Variants in PCDHGA6 observed in about 807,000 individuals in gnomAD.
The protein encoded by PCDHGA6 is protocadherin gamma-A6.
Under a neutral mutation model 60.6 loss-of-function variants are expected in PCDHGA6, and 41 were observed. The observed-to-expected ratio is 0.68, with a 90% confidence interval of 0.53 to 0.88. The LOEUF (loss-of-function observed/expected upper bound fraction) is 0.88. Among genes scored for constraint, PCDHGA6 ranks in the 40% least tolerant of loss-of-function variants. The pLI is 0.00. For synonymous variants in PCDHGA6, 594 were observed against 524.4 expected, an observed-to-expected ratio of 1.13 and a Z score of -1.81; for missense variants, 1,312 against 1,203.0, an observed-to-expected ratio of 1.09 and a Z score of -1.34.
Position 141,390,256 on chromosome 5 carries a change from A to G in PCDHGA6, c.2424+13749A>G, listed in dbSNP as rs2150415347. On this transcript the variant is annotated intron_variant, in intron 1 of 3. Coordinates refer to ENST00000517434, the MANE Select transcript of PCDHGA6 (RefSeq NM_018919.3). ...TCTGGGGCCTTATTTCCACTTTGTAATTCCAGTGAATTGACTTCCCATCAG... is the reference window on the plus strand; with the variant it reads ...TCTGGGGCCTTATTTCCACTTTGTAGTTCCAGTGAATTGACTTCCCATCAG... 6 of 1,614,022 alleles carry G rather than the reference A, an allele frequency of 3.7e-6. No homozygotes were observed. The East Asian group carries it at 1.3e-4, about 36-fold the overall frequency.
At chr5:141,422,716 G>T (rs1348237465) in intron 1 of PCDHGA6, 1 of 1,604,378 alleles carries the variant, frequency 6.2e-7, no homozygotes, top group African/African-American at 1.3e-5. Context: ...GGATGACACT[G>T]TCCAGGGGGT....
At chr5:141,459,863 G>A (rs182099511) in intron 1 of PCDHGA6, among the ~76,000 whole-genome samples, 2 of 152,242 alleles carry the variant, frequency 1.3e-5, no homozygotes, top group East Asian at 1.9e-4. Context: ...TGAAGCATTC[G>A]TTCATCTTTA....
At chr5:141,452,281 T>C (rs948141174) in intron 1 of PCDHGA6, among the ~76,000 whole-genome samples, 1 of 152,232 alleles carries the variant, frequency 6.6e-6, no homozygotes, top group African/African-American at 2.4e-5. Flanking sequence ...CCTTTCTTAC[T>C]TTCTGATATA....
In PCDHGA6 at chr5:141,389,258, C is replaced by T. The variant is rs373970987; in HGVS notation, c.2424+12751C>T. The stretch of plus-strand genomic sequence containing the variant: ...TCTCACAGTCTTCCTATATAGTCCA[C>T]GTGGCCGAGAACAACCCGCCTGGAG... On this transcript the variant is annotated intron_variant, in intron 1 of 3. Coordinates refer to ENST00000517434, the MANE Select transcript of PCDHGA6 (RefSeq NM_018919.3). 4 of 1,614,022 alleles carry T rather than the reference C, an allele frequency of 2.5e-6. No homozygotes were observed. The African/African-American group carries it at 4.0e-5, about 16-fold the overall frequency.
chr5:141,478,633 TGATGAA>T, intron 1 of PCDHGA6: 4 of 1,553,032 alleles, frequency 2.6e-6, no homozygotes, highest in Non-Finnish European at 3.5e-6. Flanking sequence ...GTTTTTTTAG[TGATGAA>T]GATGTTTTCC....
intron 1 of PCDHGA6, chr5:141,426,987 G>C (rs867397302): frequency 1.3e-5 from 6 of 456,602 alleles, no homozygotes; most frequent in African/African-American, 1.2e-4. Context: ...TGATGCCAAC[G>C]ATAATGCCCC....
At chr5:141,410,012 C>T (rs1256228205) in intron 1 of PCDHGA6, 24 of 1,613,212 alleles carry the variant, frequency 1.5e-5, no homozygotes, top group Non-Finnish European at 2.0e-5. Context: ...CAACGCCTGG[C>T]TGTCCTACCA....
chr5:141,456,434 G>A (rs1418917805), intron 1 of PCDHGA6, among the ~76,000 whole-genome samples: 1 of 152,108 alleles, frequency 6.6e-6, no homozygotes, highest in Non-Finnish European at 1.5e-5. Flanking sequence ...TTATAGTATT[G>A]AGTATACAGA....
At chr5:141,478,720 G>T (rs2154576937) in intron 1 of PCDHGA6, 1 of 1,543,694 alleles carries the variant, frequency 6.5e-7, no homozygotes, top group Admixed American at 2.0e-5. Context: ...ATGGTGGCCT[G>T]CCAGAGTGTG....
At chr5:141,468,140 C>T (rs910524133) in intron 1 of PCDHGA6, among the ~76,000 whole-genome samples, 3 of 151,942 alleles carry the variant, frequency 2.0e-5, no homozygotes, top group African/African-American at 7.2e-5. Flanking sequence ...GCCTGGCCAA[C>T]ATGGTGAAAC....
intron 1 of PCDHGA6, among the ~76,000 whole-genome samples, chr5:141,450,826 A>ATT (rs764729742): frequency 0.025 from 3,390 of 134,266 alleles, 60 homozygotes; most frequent in Middle Eastern, 0.057. Flanking sequence ...TATTATTATT[A>ATT]TTATTTTTTT....
In PCDHGA6 at chr5:141,374,351, A is replaced by T. The variant is rs1770409199; in HGVS notation, c.268A>T (p.Ile90Leu). The T allele has an allele frequency of 6.2e-7, 1 of 1,614,022 alleles. No individual in the cohort carries two copies. Among genetic ancestry groups the T allele is most frequent in the South Asian group, 1.1e-5 (1 of 91,080 alleles). ...CGGCAGCTTGGTCACCGCGGGTAGGATAGACCGCGAGGAGCTCTGTGCTCA... is the reference window on the plus strand; with the variant it reads ...CGGCAGCTTGGTCACCGCGGGTAGGTTAGACCGCGAGGAGCTCTGTGCTCA... ...RNGSLVTAGR[I>L]DREELCAQSP... The change falls in exon 1 of 4, where the codon ATA (isoleucine) becomes TTA (leucine). Residue 90 changes from isoleucine (I) to leucine (L), a missense_variant. Physicochemically the swap from Ile to Leu is conservative, Grantham distance 5. Transcript: ENST00000517434.
At chr5:141,473,801 T>C (rs1593456345) in intron 1 of PCDHGA6, among the ~76,000 whole-genome samples, 1 of 152,226 alleles carries the variant, frequency 6.6e-6, no homozygotes, top group East Asian at 1.9e-4. Flanking sequence ...ATGATGCTAC[T>C]GAGGAGCAGC....
At position 141,375,799 on chromosome 5, in the gene PCDHGA6, C is replaced by T; in HGVS notation, c.1716C>T (p.Ser572=). 6.2e-7 allele frequency: 1 copy of T among 1,614,232 alleles called. No homozygotes were observed. The highest frequency in any genetic ancestry group is 8.5e-7 in the Non-Finnish European group (1 of 1,180,038). The change falls in exon 1 of 4, where the codon TCC becomes TCT. Residue 572 remains serine, a synonymous_variant. Coordinates refer to ENST00000517434, the MANE Select transcript of PCDHGA6 (RefSeq NM_018919.3). ...ILYPALPTDG[S]TGVELAPRSA... is the part of the protein sequence containing the mutation. Reference sequence around the variant, plus strand: ...ACCCCGCCCTCCCCACAGACGGTTCCACTGGCGTGGAGCTGGCGCCCCGCT... The same window carrying T: ...ACCCCGCCCTCCCCACAGACGGTTCTACTGGCGTGGAGCTGGCGCCCCGCT...
At chr5:141,495,014 G>A (rs561045298) in intron 2 of PCDHGA6, 149 bp downstream of exon 2, 13 of 1,510,430 alleles carry the variant, frequency 8.6e-6, no homozygotes, top group South Asian at 7.5e-5. Flanking sequence ...GCGGGGGGCT[G>A]GCACACAGAC....
chr5:141,430,383 GAAA>G (rs139772145), intron 1 of PCDHGA6, among the ~76,000 whole-genome samples: 9 of 138,566 alleles, frequency 6.5e-5, no homozygotes, highest in African/African-American at 2.4e-4. Context: ...AGCTCATTGG[GAAA>G]AAAAAAAAAA....
chr5:141,501,182 C>A (rs531641143), intron 2 of PCDHGA6, among the ~76,000 whole-genome samples: 1 of 152,126 alleles, frequency 6.6e-6, no homozygotes, highest in Non-Finnish European at 1.5e-5. Context: ...TACATTTTAA[C>A]ACAATTAAAT....
chr5:141,413,842 G>C, intron 1 of PCDHGA6: 1 of 1,613,294 alleles, frequency 6.2e-7, no homozygotes, highest in Non-Finnish European at 8.5e-7. Flanking sequence ...CGACGGGGGT[G>C]ACCCTCTCCG....
chr5:141,421,255 C>T lies in PCDHGA6; in HGVS notation c.2424+44748C>T, dbSNP rs759899934. On this transcript the variant is annotated intron_variant, in intron 1 of 3. Coordinates refer to ENST00000517434, the MANE Select transcript of PCDHGA6 (RefSeq NM_018919.3). ...GGCGAATCGGCTACAGCGCGGGGAC[C>T]GCAGTCGGCTGCTGCTGCTGCTGTG... 5.2e-5 allele frequency: 84 copies of T among 1,607,644 alleles called. No individual in the cohort carries two copies. Among genetic ancestry groups the T allele is most frequent in the Non-Finnish European group, 6.8e-5 (80 of 1,177,916 alleles).
Sources: allele counts gnomAD v4.1 joint callset (sites outside exome capture counted in the v4.1 genomes callset), GRCh38; gene constraint gnomAD v4.1.1; transcripts MANE v1.5; gene names NCBI Gene and HGNC (gene_info 2026-07-23, HGNC 2026-07-21).